Variants in SCAND3 observed in about 807,000 individuals in gnomAD.
The protein encoded by SCAND3 is SCAN domain-containing protein 3.
At chr6:28,610,705 GTA>G in the SCAND3 span, among the ~76,000 whole-genome samples, 11 of 152,182 alleles carry the variant, frequency 7.2e-5, no homozygotes, top group African/African-American at 2.6e-4. Context: ...ACAGTATATA[GTA>G]TATATTATGC....
chr6:28,573,400 ACCGGAAGTGCTACTTTATATGAAGCCCGC>A, the SCAND3 span: 10 of 1,614,128 alleles, frequency 6.2e-6, no homozygotes, highest in Non-Finnish European at 7.6e-6. Flanking sequence ...AGACTTGGCA[ACCGGAAGTGCTACTTTATATGAAGCCCGC>A]AAAGCACTAA....
the SCAND3 span, among the ~76,000 whole-genome samples, chr6:28,610,392 G>A: frequency 3.9e-5 from 6 of 151,916 alleles, no homozygotes; most frequent in Admixed American, 1.3e-4. Context: ...GTGTGGTGGC[G>A]TGTGCCTGTA....
the SCAND3 span, among the ~76,000 whole-genome samples, chr6:28,604,578 T>A: frequency 6.7e-6 from 1 of 149,724 alleles, no homozygotes; most frequent in African/African-American, 2.5e-5. Context: ...ATCATGCCAC[T>A]GCACTCCAGC....
chr6:28,608,151 G>C, the SCAND3 span, among the ~76,000 whole-genome samples: 137,724 of 152,272 alleles, frequency 0.9, 62,338 homozygotes, highest in Middle Eastern at 0.94. Flanking sequence ...GCTACTCTCC[G>C]ATAAGTTAAA....
chr6:28,599,727 C>T, the SCAND3 span, among the ~76,000 whole-genome samples: 1 of 152,082 alleles, frequency 6.6e-6, no homozygotes, highest in African/African-American at 2.4e-5. Flanking sequence ...TTGTAAATTG[C>T]CCAGTCTTGG....
chr6:28,595,234 C>A, the SCAND3 span, among the ~76,000 whole-genome samples: 3 of 134,240 alleles, frequency 2.2e-5, no homozygotes, highest in Non-Finnish European at 4.6e-5. Flanking sequence ...GCAGTCCCAG[C>A]CACTAAGGAG....
chr6:28,603,315 T>C, the SCAND3 span, among the ~76,000 whole-genome samples: 7 of 152,242 alleles, frequency 4.6e-5, no homozygotes, highest in African/African-American at 1.7e-4. Flanking sequence ...TTTACTTTGA[T>C]GGGTACACAA....
chr6:28,571,777 G>C, the SCAND3 span: 1 of 1,124,354 alleles, frequency 8.9e-7, no homozygotes, highest in Non-Finnish European at 1.2e-6. Flanking sequence ...GAAAATTGCT[G>C]TTTCACTCAT....
chr6:28,575,309 T>A, the SCAND3 span: 1 of 1,613,956 alleles, frequency 6.2e-7, no homozygotes, highest in Non-Finnish European at 8.5e-7. The surrounding 1 kb of genome is among the most constrained non-coding windows in gnomAD (Gnocchi z 4.2). Context: ...CTTTGGCAGG[T>A]CTGAGACTTC....
At chr6:28,584,835 A>G in the SCAND3 span, among the ~76,000 whole-genome samples, 2 of 152,254 alleles carry the variant, frequency 1.3e-5, no homozygotes, top group Admixed American at 1.3e-4. Flanking sequence ...CACTGTGGAA[A>G]GTACAGTAGT....
chr6:28,612,621 G>C, the SCAND3 span, among the ~76,000 whole-genome samples: 1 of 152,116 alleles, frequency 6.6e-6, no homozygotes, highest in Non-Finnish European at 1.5e-5. Context: ...AGTTTGATCA[G>C]TTTTCAAAAG....
chr6:28,586,208 C>T, the SCAND3 span: 1 of 1,115,320 alleles, frequency 9.0e-7, no homozygotes, highest in Non-Finnish European at 1.3e-6. This position sits in a 1 kb window ranked among gnomAD's most constrained non-coding sequence, Gnocchi z 4.4. Flanking sequence ...ACCAGGGTTT[C>T]CAACCACCAG....
the SCAND3 span, among the ~76,000 whole-genome samples, chr6:28,600,693 A>C: frequency 6.6e-5 from 10 of 152,228 alleles, no homozygotes; most frequent in African/African-American, 2.4e-4. Flanking sequence ...TAATATATGA[A>C]CTTACTTTGG....
chr6:28,572,860 T>A, the SCAND3 span: 1 of 1,613,976 alleles, frequency 6.2e-7, no homozygotes, highest in Non-Finnish European at 8.5e-7. The surrounding 1 kb of genome is among the most constrained non-coding windows in gnomAD (Gnocchi z 4.1). Context: ...AGCTGATATT[T>A]TTTTCATGGC....
chr6:28,575,732 G>A, the SCAND3 span: 9 of 1,613,882 alleles, frequency 5.6e-6, no homozygotes, highest in East Asian at 2.2e-5. This position sits in a 1 kb window ranked among gnomAD's most constrained non-coding sequence, Gnocchi z 4.2. Context: ...TTCTCCATGC[G>A]AGTACGTCCA....
chr6:28,574,979 T>C, the SCAND3 span: 2 of 1,613,650 alleles, frequency 1.2e-6, no homozygotes, highest in Admixed American at 1.7e-5. Flanking sequence ...TCAATATCAC[T>C]ACTGTCTGTT....
At chr6:28,610,012 T>C in the SCAND3 span, among the ~76,000 whole-genome samples, 1 of 151,694 alleles carries the variant, frequency 6.6e-6, no homozygotes, top group Non-Finnish European at 1.5e-5. Flanking sequence ...ATCACTTGAG[T>C]TTGGGAGTTC....
At chr6:28,586,913 C>T in the SCAND3 span, 3 of 579,232 alleles carry the variant, frequency 5.2e-6, no homozygotes, top group Non-Finnish European at 6.1e-6. This position sits in a 1 kb window ranked among gnomAD's most constrained non-coding sequence, Gnocchi z 4.4. Context: ...CGGGCAATTC[C>T]ATTGAAAGTG....
chr6:28,575,269 A>C, the SCAND3 span: 1 of 1,613,962 alleles, frequency 6.2e-7, no homozygotes, highest in South Asian at 1.1e-5. This position sits in a 1 kb window ranked among gnomAD's most constrained non-coding sequence, Gnocchi z 4.2. Flanking sequence ...CCTCTTTCGG[A>C]TATCCTCAGT....
Sources: allele counts gnomAD v4.1 joint callset (sites outside exome capture counted in the v4.1 genomes callset), GRCh38; gene constraint gnomAD v4.1.1; non-coding constraint Gnocchi (gnomAD v3.1); transcripts MANE v1.5; gene names NCBI Gene and HGNC (gene_info 2026-07-23, HGNC 2026-07-21).